The following ERBB4 variants were observed in gnomAD, a reference collection of about 807,000 sequenced individuals.
ERBB4 encodes the protein receptor tyrosine-protein kinase erbB-4.
ERBB4 carries 42 observed loss-of-function variants against 158.0 expected under a neutral mutation model. The observed-to-expected ratio is 0.27, with a 90% CI of 0.21 to 0.34. The LOEUF (loss-of-function observed/expected upper bound fraction) is 0.34. ERBB4 is among the 10% of genes least tolerant of loss of function. The pLI, the probability that ERBB4 is intolerant of heterozygous loss-of-function variation, is 1.00. For synonymous variants in ERBB4, 583 were observed against 558.7 expected, an observed-to-expected ratio of 1.04 and a Z score of -0.61; for missense variants, 1,333 against 1,624.1, an observed-to-expected ratio of 0.82 and a Z score of 3.08.
intron 3 of ERBB4, among the ~76,000 whole-genome samples, chr2:211,925,492 C>T (rs2079994254): frequency 6.7e-6 from 1 of 149,352 alleles, no homozygotes; most frequent in South Asian, 2.1e-4. Context: ...AGCAATTCTC[C>T]TGCCTCAGCC....
At chr2:211,950,038 T>C (rs1169352248) in intron 2 of ERBB4, among the ~76,000 whole-genome samples, 6 of 152,088 alleles carry the variant, frequency 3.9e-5, no homozygotes, top group African/African-American at 1.2e-4. Context: ...CTCCGGCCCT[T>C]CTCTGGCCAC....
intron 1 of ERBB4, among the ~76,000 whole-genome samples, chr2:212,477,237 T>C (rs946114666): frequency 1.3e-5 from 2 of 152,058 alleles, no homozygotes. Context: ...AACTCAAAGA[T>C]TAAAGAGTGT....
chr2:212,190,631 T>A (rs1316590267), intron 1 of ERBB4, among the ~76,000 whole-genome samples: 2 of 152,086 alleles, frequency 1.3e-5, no homozygotes, highest in East Asian at 1.9e-4. Flanking sequence ...CCACCATCGG[T>A]TCCTTTGCAG....
chr2:212,052,907 C>A (rs1017199358), intron 2 of ERBB4, among the ~76,000 whole-genome samples: 4 of 152,122 alleles, frequency 2.6e-5, no homozygotes, highest in African/African-American at 7.2e-5. Flanking sequence ...TGACATCACC[C>A]GAATAAAAAA....
chr2:211,895,088 C>T (rs1310542091), intron 3 of ERBB4, among the ~76,000 whole-genome samples: 1 of 152,156 alleles, frequency 6.6e-6, no homozygotes, highest in Non-Finnish European at 1.5e-5. Context: ...TTCTGCTAGA[C>T]ATGCAACTAG....
At chr2:212,204,696 C>A (rs368278193) in intron 1 of ERBB4, among the ~76,000 whole-genome samples, 17 of 135,910 alleles carry the variant, frequency 1.3e-4, no homozygotes, top group African/African-American at 4.5e-4. Context: ...GACTCTGTCC[C>A]CCACAAAAAA....
At chr2:212,212,116 T>C (rs1216609985) in intron 1 of ERBB4, among the ~76,000 whole-genome samples, 1 of 152,128 alleles carries the variant, frequency 6.6e-6, no homozygotes, top group Non-Finnish European at 1.5e-5. Flanking sequence ...TTTCTGGTTC[T>C]AGAACCTTGA....
intron 3 of ERBB4, among the ~76,000 whole-genome samples, chr2:211,839,146 AGAGAGAAGGAGG>A (rs1559562070): frequency 2.2e-4 from 25 of 111,166 alleles, no homozygotes; most frequent in Admixed American, 4.1e-4. Context: ...AGAGAGGGAG[AGAGAGAAGGAGG>A]AGGAGGAGGA....
chr2:211,385,704 T>C (rs1470737734), intron 27 of ERBB4, among the ~76,000 whole-genome samples: 1 of 152,182 alleles, frequency 6.6e-6, no homozygotes, highest in African/African-American at 2.4e-5. Flanking sequence ...TGTGACTCTA[T>C]AGGGTGACTT....
chr2:212,253,886 T>C (rs553969756), intron 1 of ERBB4, among the ~76,000 whole-genome samples: 43 of 152,252 alleles, frequency 2.8e-4, no homozygotes, highest in Non-Finnish European at 4.7e-4. Flanking sequence ...GGCTATCTGG[T>C]ATAACCTATC....
At chr2:212,507,558 T>C (rs1021410538) in intron 1 of ERBB4, among the ~76,000 whole-genome samples, 3 of 151,472 alleles carry the variant, frequency 2.0e-5, no homozygotes, top group Non-Finnish European at 4.4e-5. Context: ...TTTATAGGAG[T>C]TCGGAAGAAG....
chr2:211,772,822 TATATATATATATACAC>T (rs1315409517), intron 4 of ERBB4, among the ~76,000 whole-genome samples: 2,413 of 16,376 alleles, frequency 0.15, 252 homozygotes, highest in Non-Finnish European at 0.19. Flanking sequence ...TATATATATA[TATATATATATATACAC>T]ATATATATAT....
chr2:211,978,400 A>ATCTG (rs2081689034), intron 2 of ERBB4, among the ~76,000 whole-genome samples: 1 of 45,238 alleles, frequency 2.2e-5, no homozygotes, highest in Non-Finnish European at 4.8e-5. Context: ...CTGTCTGTCT[A>ATCTG]TCTATCTATC....
chr2:212,528,024 G>A (rs951125681), intron 1 of ERBB4, among the ~76,000 whole-genome samples: 3 of 151,750 alleles, frequency 2.0e-5, no homozygotes, highest in Admixed American at 1.3e-4. Flanking sequence ...CCCCTGATTC[G>A]AAGTTTTCTC....
intron 1 of ERBB4, among the ~76,000 whole-genome samples, chr2:212,211,629 A>AAAAAAACC (rs148929858): frequency 5.4e-5 from 8 of 148,490 alleles, no homozygotes; most frequent in Admixed American, 1.3e-4. Context: ...AAAAAAAAAA[A>AAAAAAACC]TGGATACATG....
chr2:211,473,524 G>T (rs2064881471), intron 20 of ERBB4, among the ~76,000 whole-genome samples: 2 of 152,100 alleles, frequency 1.3e-5, no homozygotes. Flanking sequence ...CTGGGACATG[G>T]AAATCTGTAT....
chr2:211,530,764 C>G (rs1460837600), intron 20 of ERBB4, among the ~76,000 whole-genome samples: 1 of 152,058 alleles, frequency 6.6e-6, no homozygotes, highest in Non-Finnish European at 1.5e-5. Context: ...GTGGTGTGTG[C>G]TTGTAGTTCC....
intron 1 of ERBB4, among the ~76,000 whole-genome samples, chr2:212,312,604 AAT>A (rs1406039816): frequency 6.6e-6 from 1 of 151,130 alleles, no homozygotes; most frequent in East Asian, 2.0e-4. Context: ...GCATGCAAGC[AAT>A]ATATATAGTT....
At chr2:211,807,161 T>C (rs1383010928) in intron 3 of ERBB4, among the ~76,000 whole-genome samples, 3 of 152,266 alleles carry the variant, frequency 2.0e-5, no homozygotes, top group Admixed American at 6.5e-5. Context: ...TTTTTAATTA[T>C]ACTTTAAGTT....
Sources: gnomAD v4.1 joint callset for allele counts (sites outside exome capture counted in the v4.1 genomes callset) on GRCh38, gnomAD v4.1.1 for gene constraint, MANE v1.5 for transcripts, NCBI Gene and HGNC (gene_info 2026-07-23, HGNC 2026-07-21) for gene names.